ZNF841: variants seen among roughly 807,000 people sequenced by gnomAD.
The protein encoded by ZNF841 is TCONS_00006091.
In ZNF841, 11 loss-of-function variants were observed where a neutral mutation model predicts 13.0. That is an observed-to-expected ratio of 0.85 (90% CI 0.53 to 1.40). ZNF841 has a LOEUF of 1.40. Ranked by LOEUF, ZNF841 falls within the 40% of genes most tolerant of loss-of-function variation. The pLI, the probability that ZNF841 is intolerant of heterozygous loss-of-function variation, is 0.00. For synonymous variants in ZNF841, 369 were observed against 381.6 expected (o/e 0.97, Z 0.38); for missense variants, 1,068 against 1,139.5 (o/e 0.94, Z 0.90).
intron 4 of ZNF841, among the ~76,000 whole-genome samples, chr19:52,080,996 C>T (rs1158423648): frequency 1.3e-5 from 2 of 152,156 alleles, no homozygotes; most frequent in African/African-American, 4.8e-5. Flanking sequence ...TAAGTCTCTA[C>T]AAACCTACAC....
chr19:52,066,051 TTC>T lies in ZNF841; in HGVS notation c.1829_1830del (p.Gly610GlufsTer6), dbSNP rs762266472. 1 of 1,613,560 alleles carries T rather than the reference TTC, an allele frequency of 6.2e-7. No individual in the cohort carries two copies. Among genetic ancestry groups the T allele is most frequent in the Non-Finnish European group, 8.5e-7 (1 of 1,179,844 alleles). On this transcript the variant is annotated frameshift_variant, in exon 7 of 7. Transcript: ENST00000594440. LOFTEE classifies it low-confidence loss of function (END_TRUNC). ...TGACTTCGCCTATGAATTGAAAGGT[TTC>T]CACTGTCAATGAAGACCTTGCCACA... ...NVCGKVFIDS[G>X]NLSIHRRSHT... is the part of the protein sequence containing the mutation.
intron 6 of ZNF841, among the ~76,000 whole-genome samples, chr19:52,070,780 G>A (rs1156400377): frequency 6.6e-6 from 1 of 152,166 alleles, no homozygotes; most frequent in Admixed American, 6.5e-5. Context: ...ATTGATTTAC[G>A]CAGTGTTATC....
At chr19:52,094,751 G>A (rs186388912) in intron 1 of ZNF841, among the ~76,000 whole-genome samples, 2 of 151,770 alleles carry the variant, frequency 1.3e-5, no homozygotes, top group African/African-American at 2.4e-5. Context: ...TGTCAGCCGC[G>A]GCTCCAACTC....
At chr19:52,094,889 CCT>C (rs1243561544) in intron 1 of ZNF841, among the ~76,000 whole-genome samples, 1 of 152,116 alleles carries the variant, frequency 6.6e-6, no homozygotes, top group Non-Finnish European at 1.5e-5. Context: ...CTTTTCTCCC[CCT>C]GCTACTTTTT....
chr19:52,062,439 T>C (rs1447772325), downstream of ZNF841, among the ~76,000 whole-genome samples: 1 of 152,160 alleles, frequency 6.6e-6, no homozygotes, highest in Non-Finnish European at 1.5e-5. Flanking sequence ...TGACTTACAT[T>C]GTAAATTTAC....
At position 52,066,854 on chromosome 19, in the gene ZNF841, T is replaced by G; in HGVS notation, c.1028A>C (p.Lys343Thr). 1 of 1,614,154 alleles carries G rather than the reference T, an allele frequency of 6.2e-7. No individual in the cohort carries two copies. Among genetic ancestry groups the G allele is most frequent in the Non-Finnish European group, 8.5e-7 (1 of 1,180,014 alleles). The change falls in exon 7 of 7, where the codon AAA becomes ACA. Residue 343 changes from lysine to threonine, a missense_variant. Physicochemically the swap from Lys to Thr is moderately conservative, Grantham distance 78. Coordinates refer to ENST00000594440, the MANE Select transcript of ZNF841 (RefSeq NM_001136499.2). ...VNHRRSHTGD[K>T]PYICNECGKS... ...GCCACATTCATTACATATGTAGGGT[T>G]TGTCTCCAGTGTGACTTCTCCGGTG...
At chr19:52,075,953 A>G in intron 6 of ZNF841, 91 bp downstream of exon 6, 1 of 1,464,304 alleles carries the variant, frequency 6.8e-7, no homozygotes. Flanking sequence ...CAGAAAATCA[A>G]ATTTGTTTCC....
chr19:52,064,353 CAAAAAAAAAAAAAAA>C (rs56135758), downstream of ZNF841: 128 of 35,434 alleles, frequency 3.6e-3, 2 homozygotes, highest in African/African-American at 8.2e-3. Flanking sequence ...ACTCCGTCTC[CAAAAAAAAAAAAAAA>C]AAAAAAAAAA....
chr19:52,079,431 TAAAAAA>T (rs35306980), intron 4 of ZNF841, among the ~76,000 whole-genome samples: 8 of 83,198 alleles, frequency 9.6e-5, no homozygotes, highest in African/African-American at 3.5e-4. Flanking sequence ...AGGAAATCTG[TAAAAAA>T]AAAAAAAAAA....
chr19:52,077,089 A>G lies in ZNF841; in HGVS notation c.16-5T>C. On this transcript the variant is annotated splice_polypyrimidine_tract_variant and splice_region_variant and intron_variant, in intron 4 of 6. Coordinates refer to ENST00000594440, the MANE Select transcript of ZNF841 (RefSeq NM_001136499.2). ...ATCCCTGAATGTCAAAGATCCCTGA[A>G]ATGAAAAACACATTTCAATATGAGC... 6.2e-7 allele frequency: 1 copy of G among 1,606,060 alleles called. No homozygotes were observed. Among genetic ancestry groups the G allele is most frequent in the Non-Finnish European group, 8.5e-7 (1 of 1,176,586 alleles).
chr19:52,078,506 T>C (rs948828231), intron 4 of ZNF841, among the ~76,000 whole-genome samples: 3 of 152,090 alleles, frequency 2.0e-5, no homozygotes, highest in Admixed American at 6.6e-5. Context: ...GAGACCATCC[T>C]GGCTAACACG....
At chr19:52,068,686 T>C (rs1445711003) in intron 6 of ZNF841, among the ~76,000 whole-genome samples, 2 of 112,882 alleles carry the variant, frequency 1.8e-5, no homozygotes, top group East Asian at 2.4e-4. Context: ...AAAAAAAAAA[T>C]GGAGACAGGT....
chr19:52,092,671 T>A (rs2088537481), intron 2 of ZNF841, among the ~76,000 whole-genome samples: 1 of 152,154 alleles, frequency 6.6e-6, no homozygotes, highest in South Asian at 2.1e-4. Flanking sequence ...ATGAAACCAG[T>A]ATCTTTAAGA....
chr19:52,089,275 TAA>T (rs1251304724), intron 2 of ZNF841, among the ~76,000 whole-genome samples: 1 of 151,966 alleles, frequency 6.6e-6, no homozygotes, highest in Non-Finnish European at 1.5e-5. Flanking sequence ...AAGTTTGGCT[TAA>T]AAAATGTCAA....
intron 5 of ZNF841, among the ~76,000 whole-genome samples, chr19:52,076,649 T>TC (rs2087910322): frequency 1.3e-5 from 1 of 79,920 alleles, no homozygotes; most frequent in South Asian, 5.0e-4. Flanking sequence ...TGAGACTGTG[T>TC]CAAAAAAAAA....
At chr19:52,060,816 T>C (rs2087384962), downstream of ZNF841, among the ~76,000 whole-genome samples, 1 of 152,200 alleles carries the variant, frequency 6.6e-6, no homozygotes, top group South Asian at 2.1e-4. Flanking sequence ...TTATGCTAAA[T>C]TCTTCCCTTC....
chr19:52,086,203 G>A (rs766139047), intron 3 of ZNF841, among the ~76,000 whole-genome samples: 12 of 152,142 alleles, frequency 7.9e-5, no homozygotes, highest in Non-Finnish European at 1.3e-4. Flanking sequence ...CTGTGTCCCT[G>A]GCCCAAATCT....
intron 5 of ZNF841, among the ~76,000 whole-genome samples, chr19:52,076,716 C>T (rs2087913129): frequency 6.6e-6 from 1 of 151,638 alleles, no homozygotes; most frequent in African/African-American, 2.4e-5. Flanking sequence ...ATATTAACTC[C>T]GCCATAAGGT....
In ZNF841 at chr19:52,076,922, G is replaced by A; in HGVS notation, c.142+36C>T. 5 of 1,606,340 alleles carry A rather than the reference G, an allele frequency of 3.1e-6. No homozygotes were observed. In the South Asian group the frequency reaches 3.3e-5, roughly 11 times the overall value. Reference sequence around the variant, plus strand: ...TAAGGAAAGTACAAAAATGCACAAGGGAAGATCCTAACTTCTGGAGGAAAA... The same window carrying A: ...TAAGGAAAGTACAAAAATGCACAAGAGAAGATCCTAACTTCTGGAGGAAAA... On this transcript the variant is annotated intron_variant, in intron 5 of 6. Transcript: ENST00000594440.
Sources: allele counts gnomAD v4.1 joint callset (sites outside exome capture counted in the v4.1 genomes callset), GRCh38; gene constraint gnomAD v4.1.1; transcripts MANE v1.5; gene names NCBI Gene and HGNC (gene_info 2026-07-23, HGNC 2026-07-21).